Variants in GTF3C3 observed in about 807,000 individuals in gnomAD.
GTF3C3 encodes the protein general transcription factor 3C polypeptide 3.
A neutral mutation model predicts 105.2 loss-of-function variants in GTF3C3; 75 were observed. The ratio of observed to expected loss-of-function variants is 0.71; its 90% CI spans 0.59 to 0.86. The LOEUF is 0.86. GTF3C3 is among the 40% of genes least tolerant of loss of function. The pLI, the probability that GTF3C3 is intolerant of heterozygous loss-of-function variation, is 0.00. For synonymous variants in GTF3C3, 335 were observed against 370.4 expected (o/e 0.90, Z 1.10); for missense variants, 856 against 1,076.5 (o/e 0.80, Z 2.87).
chr2:196,782,091 G>A (rs1699376687), intron 8 of GTF3C3, among the ~76,000 whole-genome samples: 1 of 152,216 alleles, frequency 6.6e-6, no homozygotes, highest in East Asian at 1.9e-4. Flanking sequence ...AAATACCTGT[G>A]TTGATACCTA....
rs761286827 is a variant in GTF3C3, at chr2:196,776,136, G to A, written c.1594-25C>T. On this transcript the variant is annotated intron_variant, in intron 11 of 17. Transcript: ENST00000263956. The surrounding 1 kb of genome is among the most constrained non-coding windows in gnomAD (Gnocchi z 4.5). The stretch of plus-strand genomic sequence containing the variant: ...CCTAAACAAATAAGCACATGATGAT[G>A]AGCCTAACAAGATTCCTTTTCTACA... The A allele has an allele frequency of 4.2e-6, 5 of 1,178,252 alleles. No individual in the cohort carries two copies. The highest frequency in any genetic ancestry group is 2.2e-5 in the Admixed American group (1 of 45,102). 73.0% of individuals were successfully genotyped at this position (1,178,252 alleles called of 1,614,324 possible).
intron 9 of GTF3C3, among the ~76,000 whole-genome samples, chr2:196,779,648 A>G (rs183986635): frequency 6.6e-6 from 1 of 152,140 alleles, no homozygotes; most frequent in Non-Finnish European, 1.5e-5. Flanking sequence ...TGTGTTTGCT[A>G]ATGTTTTTGG....
intron 8 of GTF3C3, among the ~76,000 whole-genome samples, chr2:196,781,343 A>G (rs1381253564): frequency 1.2e-4 from 4 of 32,392 alleles, no homozygotes; most frequent in Admixed American, 1.0e-3. Flanking sequence ...TGTTAAGGGG[A>G]AAAAAAAAAA....
In GTF3C3 at chr2:196,763,740, G is replaced by A. The variant is rs1319295324; in HGVS notation, c.*823C>T. On this transcript the variant is annotated 3_prime_UTR_variant, in exon 18 of 18. Coordinates refer to ENST00000263956, the MANE Select transcript of GTF3C3 (RefSeq NM_012086.5). ...AACAGTATATCATCTAAAAAGTACT[G>A]TTAACTTAAATTCAAGAACATATAA... 1.3e-5 allele frequency: 2 copies of A among 152,066 alleles called. No homozygotes were observed. The highest frequency in any genetic ancestry group is 4.8e-5 in the African/African-American group (2 of 41,402). The allele number at this position is 152,066 out of a possible 1,614,324, so 9.4% of individuals were successfully genotyped here. A position where few individuals can be genotyped will look rare whatever the true frequency, so the allele number is the denominator to read the frequency against.
intron 7 of GTF3C3, 107 bp from the exon 8 acceptor site, chr2:196,785,036 C>A: frequency 1.4e-6 from 1 of 723,710 alleles, no homozygotes; most frequent in Non-Finnish European, 2.2e-6. Context: ...TAAAGTTGGG[C>A]TATAAAAAGA....
At chr2:196,774,786 AGT>A (rs1559299186) in intron 13 of GTF3C3, among the ~76,000 whole-genome samples, 1 of 152,238 alleles carries the variant, frequency 6.6e-6, no homozygotes, top group African/African-American at 2.4e-5. Flanking sequence ...AATATATATA[AGT>A]GAAGTCTGGA....
chr2:196,772,497 G>A (rs188403894), intron 14 of GTF3C3, among the ~76,000 whole-genome samples: 26 of 152,238 alleles, frequency 1.7e-4, no homozygotes, highest in Non-Finnish European at 2.5e-4. Context: ...GCGGTGAGCC[G>A]AGACTGTGTC....
rs533676469 is a variant in GTF3C3, at chr2:196,768,491, AG to A, written c.2385+1423del. Among the ~76,000 whole-genome samples, 126 of 152,334 alleles carry A rather than the reference AG, an allele frequency of 8.3e-4. 1 individual carries two copies. Among genetic ancestry groups the A allele is most frequent in the South Asian group, 4.8e-3 (23 of 4,830 alleles). ...CGATTTTACTTTTAATACAATATAA[AG>A]GTAAGAAAGATAATAAACCATAAAA... On this transcript the variant is annotated intron_variant, in intron 16 of 17. Transcript: ENST00000263956.
chr2:196,798,523 G>GAAAAT (rs890104510), intron 1 of GTF3C3, among the ~76,000 whole-genome samples: 17 of 151,316 alleles, frequency 1.1e-4, no homozygotes, highest in African/African-American at 2.2e-4. Context: ...GACTCTGTCT[G>GAAAAT]AAAATAAAAT....
At chr2:196,780,253 C>CA in intron 9 of GTF3C3, 1 of 1,014,578 alleles carries the variant, frequency 9.9e-7, no homozygotes, top group Non-Finnish European at 1.2e-6. Context: ...CCAAAGTCCG[C>CA]AAAAAAGAAT....
In GTF3C3 at chr2:196,789,871, T is replaced by G. The variant is rs747484207; in HGVS notation, c.727+8A>C. The G allele has an allele frequency of 4.6e-6, 7 of 1,533,636 alleles. No individual in the cohort carries two copies. Among genetic ancestry groups the G allele is most frequent in the Admixed American group, 2.3e-5 (1 of 43,754 alleles). ...GTAAAAGTGAAAAAAAAAAAAAATT[T>G]TAATTACCTTTTGTATAGCAAAAAA... On this transcript the variant is annotated splice_region_variant and intron_variant, in intron 5 of 17. Transcript: ENST00000263956.
At position 196,776,328 on chromosome 2, in the gene GTF3C3, A is replaced by G; in HGVS notation, c.1593+99T>C. The stretch of plus-strand genomic sequence containing the variant: ...TTCAAAAACTTGAATACACTAAAAT[A>G]AAATTTTGGATATAAGCTATAGAGA... On this transcript the variant is annotated intron_variant, in intron 11 of 17. Transcript: ENST00000263956. This position sits in a 1 kb window ranked among gnomAD's most constrained non-coding sequence, Gnocchi z 4.5. 1 of 1,004,444 alleles carries G rather than the reference A, an allele frequency of 1.0e-6. No individual in the cohort carries two copies. The highest frequency in any genetic ancestry group is 1.5e-6 in the Non-Finnish European group (1 of 674,650). The allele number at this position is 1,004,444 out of a possible 1,614,324, so 62.2% of individuals were successfully genotyped here.
intron 8 of GTF3C3, 57 bp downstream of exon 8, chr2:196,784,800 C>A: frequency 6.7e-7 from 1 of 1,503,406 alleles, no homozygotes; most frequent in South Asian, 1.4e-5. Context: ...CCATAAAACG[C>A]CACCTTATGA....
At chr2:196,793,399 A>C (rs975835501) in intron 2 of GTF3C3, among the ~76,000 whole-genome samples, 1 of 152,220 alleles carries the variant, frequency 6.6e-6, no homozygotes, top group Non-Finnish European at 1.5e-5. Flanking sequence ...ATTAACTGAA[A>C]AATCAGAAGC....
At chr2:196,788,325 A>G (rs751213752) in intron 6 of GTF3C3, among the ~76,000 whole-genome samples, 14 of 152,254 alleles carry the variant, frequency 9.2e-5, no homozygotes, top group Non-Finnish European at 2.1e-4. Flanking sequence ...ACAAAATATC[A>G]TATGGTATCT....
chr2:196,767,823 C>A (rs1023617370), intron 16 of GTF3C3, among the ~76,000 whole-genome samples: 1 of 152,166 alleles, frequency 6.6e-6, no homozygotes, highest in African/African-American at 2.4e-5. Flanking sequence ...TGTTGTAATG[C>A]AAATGAACCT....
chr2:196,767,611 C>T (rs947043429), intron 16 of GTF3C3, among the ~76,000 whole-genome samples: 7 of 152,040 alleles, frequency 4.6e-5, no homozygotes, highest in South Asian at 2.1e-4. Flanking sequence ...TAGTAATACT[C>T]GTGTTCAGTA....
chr2:196,779,107 C>A, intron 9 of GTF3C3, 40 bp from the exon 10 acceptor site: 36 of 1,375,106 alleles, frequency 2.6e-5, no homozygotes, highest in Non-Finnish European at 3.4e-5. Flanking sequence ...ACATTCATTA[C>A]AAACGTGCAC....
Position 196,776,721 on chromosome 2 carries a change from AT to A in GTF3C3, c.1391-93del. 1.3e-6 allele frequency: 1 copy of A among 792,462 alleles called. No individual in the cohort carries two copies. The allele number at this position is 792,462 out of a possible 1,614,324, so 49.1% of individuals were successfully genotyped here. On this transcript the variant is annotated intron_variant, in intron 10 of 17. Transcript: ENST00000263956. This position sits in a 1 kb window ranked among gnomAD's most constrained non-coding sequence, Gnocchi z 4.5. Reference sequence around the variant, plus strand: ...TCCATTTTAAAAGAAATATAGCAATATAAAAAATTATAACAAGAAATGAATG... The same window carrying A: ...TCCATTTTAAAAGAAATATAGCAATAAAAAAATTATAACAAGAAATGAATG...
Sources: allele counts gnomAD v4.1 joint callset (sites outside exome capture counted in the v4.1 genomes callset), GRCh38; gene constraint gnomAD v4.1.1; non-coding constraint Gnocchi (gnomAD v3.1); transcripts MANE v1.5; gene names NCBI Gene and HGNC (gene_info 2026-07-23, HGNC 2026-07-21).